Variants in NIPBL observed in about 807,000 individuals in gnomAD.
NIPBL encodes the protein NIPBL cohesin loading factor, also known as nipped-B-like protein.
In NIPBL, 19 loss-of-function variants were observed where a neutral mutation model predicts 321.8. The ratio of observed to expected loss-of-function variants is 0.06; its 90% CI spans 0.04 to 0.09. The LOEUF (loss-of-function observed/expected upper bound fraction) is 0.09, where lower values mean the gene tolerates loss of function less well. Ranked by LOEUF, NIPBL falls within the 10% of genes least tolerant of loss-of-function variation. The probability of loss-of-function intolerance (pLI) is 1.00; values close to 1 mark genes in which losing one functional copy is unlikely to be tolerated. For missense variants in NIPBL, 2,210 were observed against 3,327.0 expected (o/e 0.66, Z 8.26); for synonymous variants, 1,106 against 1,114.1 (o/e 0.99, Z 0.14).
At position 37,058,893 on chromosome 5, in the gene NIPBL, T is replaced by A; in HGVS notation, c.7413T>A (p.Ser2471=). 6.2e-7 allele frequency: 1 copy of A among 1,613,968 alleles called. No individual in the cohort carries two copies. The highest frequency in any genetic ancestry group is 8.5e-7 in the Non-Finnish European group (1 of 1,179,964). The change falls in exon 44 of 47, where the codon TCT becomes TCA. Residue 2471 remains serine, a splice_region_variant and synonymous_variant. Coordinates refer to ENST00000282516, the MANE Select transcript of NIPBL (RefSeq NM_133433.4). ...GSNLLQSFKE[S]MVKDKRKERK... is the part of the protein sequence containing the mutation. Reference sequence around the variant, plus strand: ...TATCAAACGATTTTTTCTTTCAGTCTATGGTAAAGGACAAAAGGAAAGAGA... The same window carrying A: ...TATCAAACGATTTTTTCTTTCAGTCAATGGTAAAGGACAAAAGGAAAGAGA...
intron 38 of NIPBL, among the ~76,000 whole-genome samples, chr5:37,048,013 A>ATG (rs2149736393): frequency 6.6e-6 from 1 of 152,264 alleles, no homozygotes; most frequent in Admixed American, 6.5e-5. Flanking sequence ...AATAATGTCA[A>ATG]TGTAGTACCT....
chr5:36,962,109 G>A lies in NIPBL; in HGVS notation c.459-14G>A, dbSNP rs1580339965. Reference sequence around the variant, plus strand: ...TATTTCCTTATATTTTTTTATTTGGGTTTTGGGTTTTAGCCGGTTTGTGCC... The same window carrying A: ...TATTTCCTTATATTTTTTTATTTGGATTTTGGGTTTTAGCCGGTTTGTGCC... On this transcript the variant is annotated splice_polypyrimidine_tract_variant and intron_variant, in intron 5 of 46. Transcript: ENST00000282516. 1 of 1,613,744 alleles carries A rather than the reference G, an allele frequency of 6.2e-7. No individual in the cohort carries two copies. Among genetic ancestry groups the A allele is most frequent in the Non-Finnish European group, 8.5e-7 (1 of 1,179,896 alleles).
chr5:37,053,993 C>G (rs988587767), intron 42 of NIPBL, among the ~76,000 whole-genome samples: 6 of 151,946 alleles, frequency 3.9e-5, no homozygotes, highest in African/African-American at 1.4e-4. Flanking sequence ...GTCAGGAGTT[C>G]GAGACCAGCC....
chr5:37,027,236 C>A, intron 31 of NIPBL, 123 bp from the exon 32 acceptor site: 1 of 761,256 alleles, frequency 1.3e-6, no homozygotes, highest in Non-Finnish European at 2.3e-6. Context: ...AAATAGTTTA[C>A]TTTAAAAATA....
intron 45 of NIPBL, among the ~76,000 whole-genome samples, chr5:37,062,872 A>T (rs1579622745): frequency 6.6e-6 from 1 of 151,968 alleles, no homozygotes. Flanking sequence ...GTGAGCCATG[A>T]TCGTGCCACT....
chr5:36,959,373 T>G (rs1741338332), intron 4 of NIPBL, among the ~76,000 whole-genome samples: 1 of 152,208 alleles, frequency 6.6e-6, no homozygotes, highest in Admixed American at 6.5e-5. Context: ...TGAAAGCAAT[T>G]GCATAGTTAC....
At chr5:36,984,639 T>G (rs1464674780) in intron 9 of NIPBL, 37 bp from the exon 10 acceptor site, 1 of 1,547,866 alleles carries the variant, frequency 6.5e-7, no homozygotes, top group Non-Finnish European at 8.9e-7. Context: ...AGAATACATG[T>G]CTATTACTGA....
At chr5:36,949,921 G>A (rs2149592059) in intron 1 of NIPBL, among the ~76,000 whole-genome samples, 1 of 152,060 alleles carries the variant, frequency 6.6e-6, no homozygotes, top group South Asian at 2.1e-4. Context: ...GTTCCCTTCA[G>A]ACTCATTAGA....
chr5:36,881,633 T>C (rs1210107811), intron 1 of NIPBL, among the ~76,000 whole-genome samples: 2 of 152,130 alleles, frequency 1.3e-5, no homozygotes, highest in East Asian at 3.9e-4. Flanking sequence ...TTTGTTCTTA[T>C]GGATTCAGGA....
Position 36,877,097 on chromosome 5 carries a change from C to A in NIPBL, c.-161C>A. ...GAGGAGACGGAAGAGGAGCCGTAGC[C>A]ACCCCCCCTCCCGGCCCGGATTATA... On this transcript the variant is annotated 5_prime_UTR_variant, in exon 1 of 47. Transcript: ENST00000282516. 1 of 346,412 alleles carries A rather than the reference C, an allele frequency of 2.9e-6. No homozygotes were observed. Among genetic ancestry groups the A allele is most frequent in the Non-Finnish European group, 5.2e-6 (1 of 193,706 alleles). 21.5% of individuals were successfully genotyped at this position (346,412 alleles called of 1,614,324 possible).
chr5:37,020,076 A>C (rs1278300493), intron 25 of NIPBL, among the ~76,000 whole-genome samples: 1 of 152,196 alleles, frequency 6.6e-6, no homozygotes, highest in Admixed American at 6.5e-5. Context: ...CAAAATTTGA[A>C]AACAGATGAA....
chr5:37,049,271 T>C lies in NIPBL; in HGVS notation c.6924T>C (p.Thr2308=). 6 of 1,614,160 alleles carry C rather than the reference T, an allele frequency of 3.7e-6. No individual in the cohort carries two copies. Among genetic ancestry groups the C allele is most frequent in the Non-Finnish European group, 5.1e-6 (6 of 1,179,998 alleles). Residue 2308 remains threonine, a synonymous_variant, in exon 40 of 47, where the codon ACT becomes ACC. Coordinates refer to ENST00000282516, the MANE Select transcript of NIPBL (RefSeq NM_133433.4). Reference sequence around the variant, plus strand: ...TTGCCCTAAATGTCATTGCATTGACTCTAAATCAAGGTCTTATTCATCCAG... The same window carrying C: ...TTGCCCTAAATGTCATTGCATTGACCCTAAATCAAGGTCTTATTCATCCAG... ...RHFALNVIAL[T]LNQGLIHPVQ... is the part of the protein sequence containing the mutation.
At chr5:37,001,610 T>C in intron 14 of NIPBL, among the ~76,000 whole-genome samples, 1 of 152,154 alleles carries the variant, frequency 6.6e-6, no homozygotes, top group East Asian at 1.9e-4. Flanking sequence ...ATTTATTGAA[T>C]ACTTACTGTA....
At position 36,984,774 on chromosome 5, in the gene NIPBL, G is replaced by A; in HGVS notation, c.1594G>A (p.Gly532Arg). 1 of 1,613,818 alleles carries A rather than the reference G, an allele frequency of 6.2e-7. No individual in the cohort carries two copies. The highest frequency in any genetic ancestry group is 8.5e-7 in the Non-Finnish European group (1 of 1,179,818). ...RPASQETGST[G>R]NGSRPALMVS... ...AGCTTCTCAGGAGACGGGTTCTACG[G>A]GAAATGGGTCAAGGCCAGCATTAAT... The change falls in exon 10 of 47, where the codon GGA (glycine) becomes AGA (arginine). Residue 532 changes from glycine to arginine, a missense_variant. Transcript: ENST00000282516.
At chr5:36,891,790 A>AGG (rs1238322064) in intron 1 of NIPBL, among the ~76,000 whole-genome samples, 1 of 152,200 alleles carries the variant, frequency 6.6e-6, no homozygotes, top group Non-Finnish European at 1.5e-5. Flanking sequence ...GAGGCTCAGG[A>AGG]GGCCAGTAGG....
At chr5:36,937,813 T>G (rs1255421882) in intron 1 of NIPBL, among the ~76,000 whole-genome samples, 2 of 152,198 alleles carry the variant, frequency 1.3e-5, no homozygotes, top group East Asian at 1.9e-4. Flanking sequence ...CTCTTGGAGT[T>G]TGGAGAACAA....
At chr5:37,013,569 G>A (rs1580472341) in intron 21 of NIPBL, among the ~76,000 whole-genome samples, 1 of 151,920 alleles carries the variant, frequency 6.6e-6, no homozygotes, top group Non-Finnish European at 1.5e-5. Flanking sequence ...CATACCGGAC[G>A]GGGTGGCAGG....
chr5:36,955,671 GA>G (rs776204681), intron 3 of NIPBL, 34 bp downstream of exon 3: 33 of 1,585,832 alleles, frequency 2.1e-5, no homozygotes, highest in African/African-American at 2.7e-5. Flanking sequence ...TACTATAAGT[GA>G]AAAGTTTTGG....
At chr5:36,930,597 A>T (rs1264063635) in intron 1 of NIPBL, among the ~76,000 whole-genome samples, 1 of 151,996 alleles carries the variant, frequency 6.6e-6, no homozygotes, top group African/African-American at 2.4e-5. Flanking sequence ...ACTAACTAAA[A>T]CCTACAGGAC....
Sources: allele counts gnomAD v4.1 joint callset (sites outside exome capture counted in the v4.1 genomes callset), GRCh38; gene constraint gnomAD v4.1.1; transcripts MANE v1.5; gene names NCBI Gene and HGNC (gene_info 2026-07-23, HGNC 2026-07-21).